Variants in CRIPTO observed in about 807,000 individuals in gnomAD.
CRIPTO encodes the protein cripto, EGF-CFC family member.
chr3:46,580,088 G>A, the CRIPTO span: 1 of 1,614,180 alleles, frequency 6.2e-7, no homozygotes, highest in Non-Finnish European at 8.5e-7. Flanking sequence ...TCTTTCTTTT[G>A]CCCTTTGAAG....
chr3:46,581,115 G>A, the CRIPTO span: 4 of 1,597,796 alleles, frequency 2.5e-6, no homozygotes, highest in Non-Finnish European at 2.6e-6. Flanking sequence ...TAATGACCAA[G>A]CATCCCTACC....
the CRIPTO span, chr3:46,579,642 G>C: frequency 7.5e-7 from 1 of 1,334,374 alleles, no homozygotes; most frequent in Non-Finnish European, 1.1e-6. Context: ...GACTTACTCT[G>C]ATACAACACA....
the CRIPTO span, among the ~76,000 whole-genome samples, chr3:46,580,303 G>A: frequency 0.035 from 5,360 of 152,256 alleles, 215 homozygotes; most frequent in East Asian, 0.16. Context: ...AAGTCTATTT[G>A]ACATTTTATG....
At chr3:46,579,264 C>G in the CRIPTO span, 48 of 1,614,052 alleles carry the variant, frequency 3.0e-5, no homozygotes, top group East Asian at 4.7e-4. Context: ...TCGTCCATCT[C>G]GGGGATACCT....
the CRIPTO span, among the ~76,000 whole-genome samples, chr3:46,576,677 A>AAC: frequency 6.6e-6 from 1 of 152,124 alleles, no homozygotes; most frequent in Non-Finnish European, 1.5e-5. Context: ...AAAGTTTCGC[A>AAC]TTTGTGTGCC....
At chr3:46,576,059 C>T in the CRIPTO span, among the ~76,000 whole-genome samples, 7 of 152,282 alleles carry the variant, frequency 4.6e-5, no homozygotes, top group African/African-American at 7.2e-5. Flanking sequence ...GGAGGCGAAG[C>T]GCAGCAGGAA....
the CRIPTO span, chr3:46,579,143 T>C: frequency 6.2e-7 from 1 of 1,614,104 alleles, no homozygotes; most frequent in African/African-American, 1.3e-5. Context: ...TGGGATTAGT[T>C]GCCGGTGAGA....
the CRIPTO span, chr3:46,577,612 A>G: frequency 2.8e-5 from 10 of 355,074 alleles, no homozygotes; most frequent in Non-Finnish European, 4.7e-5. Flanking sequence ...GGGCTAGTTA[A>G]CCACAGTTTT....
the CRIPTO span, chr3:46,580,157 G>A: frequency 6.6e-7 from 1 of 1,525,528 alleles, no homozygotes; most frequent in Non-Finnish European, 9.0e-7. Context: ...CTCTTGTCTT[G>A]CTAGAGCCTG....
the CRIPTO span, among the ~76,000 whole-genome samples, chr3:46,575,123 A>G: frequency 6.6e-6 from 1 of 152,226 alleles, no homozygotes; most frequent in Non-Finnish European, 1.5e-5. Context: ...ACAGTGACCA[A>G]GCAGAGGTGA....
At chr3:46,581,881 G>C in the CRIPTO span, 5,606 of 161,006 alleles carry the variant, frequency 0.035, 222 homozygotes, top group East Asian at 0.16. Flanking sequence ...TGAATTATAT[G>C]TTCAGATTAT....
the CRIPTO span, chr3:46,581,177 A>T: frequency 1.4e-5 from 23 of 1,614,060 alleles, no homozygotes; most frequent in Non-Finnish European, 1.9e-5. Flanking sequence ...AGGACTCCAG[A>T]ACTACCACCG....
At chr3:46,579,814 CCTT>C in the CRIPTO span, 3 of 1,613,952 alleles carry the variant, frequency 1.9e-6, no homozygotes, top group African/African-American at 1.3e-5. Flanking sequence ...TGCCCTCCCT[CCTT>C]CTACGGACGG....
At chr3:46,579,033 GTTAACTTGTAAGGTT>G in the CRIPTO span, 1 of 1,582,370 alleles carries the variant, frequency 6.3e-7, no homozygotes, top group South Asian at 1.1e-5. Flanking sequence ...GGACCTGGGT[GTTAACTTGTAAGGTT>G]TTATTTCCTT....
chr3:46,579,815 C>A, the CRIPTO span: 2 of 1,613,806 alleles, frequency 1.2e-6, no homozygotes, highest in African/African-American at 2.7e-5. Flanking sequence ...GCCCTCCCTC[C>A]TTCTACGGAC....
the CRIPTO span, chr3:46,579,307 A>G: frequency 6.2e-7 from 1 of 1,614,182 alleles, no homozygotes; most frequent in East Asian, 2.2e-5. Flanking sequence ...TGGCCCCAGG[A>G]GGAGCCTGCA....
the CRIPTO span, chr3:46,574,595 G>A: frequency 6.6e-6 from 1 of 152,172 alleles, no homozygotes; most frequent in African/African-American, 2.4e-5. Context: ...TAAGACCTAA[G>A]TGCCCTATGA....
At chr3:46,576,012 T>C in the CRIPTO span, among the ~76,000 whole-genome samples, 29,959 of 152,122 alleles carry the variant, frequency 0.2, 3,630 homozygotes, top group South Asian at 0.3. Context: ...CTCAGCATGC[T>C]ACCTGAAGCA....
At chr3:46,576,978 T>G in the CRIPTO span, among the ~76,000 whole-genome samples, 2 of 152,034 alleles carry the variant, frequency 1.3e-5, no homozygotes, top group African/African-American at 4.8e-5. Context: ...GGCCGCCCTG[T>G]GGGAGCTGGG....
Sources: allele counts gnomAD v4.1 joint callset (sites outside exome capture counted in the v4.1 genomes callset), GRCh38; gene constraint gnomAD v4.1.1; transcripts MANE v1.5; gene names NCBI Gene and HGNC (gene_info 2026-07-23, HGNC 2026-07-21).